RNF150: variants seen among roughly 807,000 people sequenced by gnomAD.
RNF150 encodes the protein ring finger protein 150.
A neutral mutation model predicts 39.3 loss-of-function variants in RNF150; 24 were observed. The observed-to-expected ratio is 0.61, with a 90% CI of 0.44 to 0.86. The LOEUF (loss-of-function observed/expected upper bound fraction) is 0.86. Among genes scored for constraint, RNF150 ranks in the 40% least tolerant of loss-of-function variants. RNF150 has a pLI of 0.00. For missense variants in RNF150, 502 were observed against 587.8 expected (o/e 0.85, Z 1.51); for synonymous variants, 255 against 227.3 (o/e 1.12, Z -1.10).
chr4:140,909,640 A>AATG (rs1252475633), intron 6 of RNF150, among the ~76,000 whole-genome samples: 1 of 152,180 alleles, frequency 6.6e-6, no homozygotes, highest in Non-Finnish European at 1.5e-5. Context: ...ATTTATTTTT[A>AATG]ATGTTTTAGT....
At chr4:141,112,329 C>T (rs917136369) in intron 1 of RNF150, among the ~76,000 whole-genome samples, 24 of 151,940 alleles carry the variant, frequency 1.6e-4, no homozygotes, top group African/African-American at 5.6e-4. Flanking sequence ...TATCGATGGT[C>T]TTACAATTTG....
chr4:141,109,139 T>A (rs1317207075), intron 1 of RNF150, among the ~76,000 whole-genome samples: 1 of 152,170 alleles, frequency 6.6e-6, no homozygotes, highest in East Asian at 1.9e-4. Flanking sequence ...AACTAACTGA[T>A]TTGATTTGTT....
intron 1 of RNF150, among the ~76,000 whole-genome samples, chr4:141,155,989 T>TGGAA (rs1727389618): frequency 6.6e-6 from 1 of 150,866 alleles, no homozygotes; most frequent in African/African-American, 2.4e-5. Context: ...CCATCATGGC[T>TGGAA]GGAAGGAGGA....
At chr4:141,081,418 C>T (rs1170889932) in intron 1 of RNF150, among the ~76,000 whole-genome samples, 3 of 152,142 alleles carry the variant, frequency 2.0e-5, no homozygotes, top group Admixed American at 2.0e-4. Context: ...ATGGAAGAAC[C>T]TAAAGACCAG....
intron 1 of RNF150, among the ~76,000 whole-genome samples, chr4:141,057,127 C>T (rs72949016): frequency 0.031 from 4,726 of 152,106 alleles, 263 homozygotes; most frequent in African/African-American, 0.11. Flanking sequence ...GGTGTACCAT[C>T]AGGCTCCACT....
chr4:141,106,223 T>C (rs935960929), intron 1 of RNF150, among the ~76,000 whole-genome samples: 1 of 152,192 alleles, frequency 6.6e-6, no homozygotes, highest in Admixed American at 6.5e-5. Context: ...ATATCACATA[T>C]CCACTGTACC....
intron 1 of RNF150, among the ~76,000 whole-genome samples, chr4:141,041,435 G>A (rs1298127660): frequency 2.0e-5 from 3 of 152,068 alleles, no homozygotes; most frequent in African/African-American, 7.2e-5. Flanking sequence ...AACAAAAGCA[G>A]ACAGAGGAAG....
chr4:141,024,905 T>C (rs1226225835), intron 1 of RNF150, among the ~76,000 whole-genome samples: 1 of 152,194 alleles, frequency 6.6e-6, no homozygotes, highest in Non-Finnish European at 1.5e-5. Context: ...TGTCTTTTAC[T>C]CTAGGTCTGA....
chr4:141,014,134 G>A (rs1735175438), intron 1 of RNF150, among the ~76,000 whole-genome samples: 1 of 152,020 alleles, frequency 6.6e-6, no homozygotes, highest in South Asian at 2.1e-4. Context: ...CACGTTCTCT[G>A]GATTAATCTA....
At chr4:141,160,208 C>T (rs1250044702) in intron 1 of RNF150, among the ~76,000 whole-genome samples, 1 of 152,078 alleles carries the variant, frequency 6.6e-6, no homozygotes, top group Non-Finnish European at 1.5e-5. Flanking sequence ...TTTAACATAC[C>T]ATAAGATAAG....
chr4:141,002,796 C>T (rs768468791), intron 1 of RNF150, among the ~76,000 whole-genome samples: 1 of 152,100 alleles, frequency 6.6e-6, no homozygotes, highest in African/African-American at 2.4e-5. Context: ...GCTCTGCCAA[C>T]CTGGGTAGCG....
intron 1 of RNF150, among the ~76,000 whole-genome samples, chr4:141,045,514 A>C (rs1736540796): frequency 6.6e-6 from 1 of 151,922 alleles, no homozygotes; most frequent in South Asian, 2.1e-4. Flanking sequence ...ATATTTAGGA[A>C]CACATTCTTT....
At position 141,199,196 on chromosome 4, in the gene RNF150, A is replaced by G. The variant is rs1728251916; in HGVS notation, c.-6+13598T>C. The stretch of plus-strand genomic sequence containing the variant: ...CCACTACACACCTATTAGAATGTCT[A>G]AAAAAACACAAACCAACAATACTGA... On this transcript the variant is annotated intron_variant, in intron 1 of 7. Coordinates refer to the RNF150 transcript ENST00000420921. Among the ~76,000 whole-genome samples the G allele has an allele frequency of 2.0e-5, 3 of 152,188 alleles. No homozygotes were observed. In the South Asian group the frequency reaches 6.2e-4, roughly 32 times the overall value.
chr4:141,102,795 C>T (rs559808643), intron 1 of RNF150, among the ~76,000 whole-genome samples: 17 of 152,236 alleles, frequency 1.1e-4, no homozygotes, highest in African/African-American at 3.9e-4. Flanking sequence ...CGGTTGTCTC[C>T]AGCAAAAGTA....
intron 4 of RNF150, among the ~76,000 whole-genome samples, chr4:140,940,540 A>G (rs747024178): frequency 6.6e-6 from 1 of 152,206 alleles, no homozygotes; most frequent in Non-Finnish European, 1.5e-5. Flanking sequence ...CTAGAAAATG[A>G]AGTAGGAGAT....
intron 1 of RNF150, among the ~76,000 whole-genome samples, chr4:141,055,480 A>T (rs146108694): frequency 8.2e-4 from 125 of 152,288 alleles, no homozygotes; most frequent in African/African-American, 2.9e-3. Flanking sequence ...CTAAGAAATA[A>T]TAAAAGCCTC....
chr4:141,087,160 C>T (rs561257315), intron 1 of RNF150, among the ~76,000 whole-genome samples: 6 of 152,000 alleles, frequency 3.9e-5, no homozygotes, highest in Admixed American at 1.3e-4. Context: ...CTCAAGTAGA[C>T]GCCAGTTGTC....
chr4:140,889,272 T>TA (rs1729679437), intron 6 of RNF150, among the ~76,000 whole-genome samples: 1 of 152,202 alleles, frequency 6.6e-6, no homozygotes, highest in East Asian at 1.9e-4. Context: ...TTGATAAAAT[T>TA]AAAAATCTTA....
At chr4:141,119,017 T>C (rs1185136125) in intron 1 of RNF150, among the ~76,000 whole-genome samples, 1 of 152,084 alleles carries the variant, frequency 6.6e-6, no homozygotes. Context: ...CGTCTAGGCC[T>C]CTCAAAGTGC....
Sources: gnomAD v4.1 joint callset for allele counts (sites outside exome capture counted in the v4.1 genomes callset) on GRCh38, gnomAD v4.1.1 for gene constraint, MANE v1.5 for transcripts, NCBI Gene and HGNC (gene_info 2026-07-23, HGNC 2026-07-21) for gene names.